Variants in FILIP1 observed in about 807,000 individuals in gnomAD.
FILIP1 encodes the protein filamin-A-interacting protein 1.
A neutral mutation model predicts 102.1 loss-of-function variants in FILIP1; 61 were observed. That is an observed-to-expected ratio of 0.60 (90% CI 0.49 to 0.74). FILIP1 has a LOEUF of 0.74. FILIP1 is among the 30% of genes least tolerant of loss of function. The pLI is 0.00. For missense variants in FILIP1, 1,314 were observed against 1,441.2 expected (o/e 0.91, Z 1.43); for synonymous variants, 491 against 526.9 (o/e 0.93, Z 0.93).
At chr6:75,302,823 C>CATTATGATATGATATGAT (rs141657918) in intron 6 of FILIP1, among the ~76,000 whole-genome samples, 1 of 149,100 alleles carries the variant, frequency 6.7e-6, no homozygotes. Flanking sequence ...TATGATATGA[C>CATTATGATATGATATGAT]ATGATATGAT....
chr6:75,427,356 G>A (rs985930454), intron 1 of FILIP1, among the ~76,000 whole-genome samples: 2 of 152,030 alleles, frequency 1.3e-5, no homozygotes, highest in Non-Finnish European at 2.9e-5. Context: ...TATAATACTG[G>A]TTACAGTTTT....
At chr6:75,429,545 C>T (rs752788066) in intron 1 of FILIP1, among the ~76,000 whole-genome samples, 1 of 152,146 alleles carries the variant, frequency 6.6e-6, no homozygotes, top group Non-Finnish European at 1.5e-5. Context: ...CCAGGAAAGG[C>T]TCTGTAAGAA....
rs7774284 is a variant in FILIP1, at chr6:75,376,698, T to G, written c.277-13781A>C. The stretch of plus-strand genomic sequence containing the variant: ...TAAACTGAACCAATAAGTTAAAGAC[T>G]AAGACATTTTTTTCTCATCCCTGTT... On this transcript the variant is annotated intron_variant, in intron 2 of 5. Coordinates refer to ENST00000237172, the MANE Select transcript of FILIP1 (RefSeq NM_015687.5). Among the ~76,000 whole-genome samples the G allele has an allele frequency of 7.2e-3, 1,095 of 152,278 alleles. 11 individuals carry two copies. The highest frequency in any genetic ancestry group is 0.025 in the African/African-American group (1,055 of 41,550).
At chr6:75,319,698 C>T (rs1348448910) in intron 4 of FILIP1, 6 of 333,466 alleles carry the variant, frequency 1.8e-5, no homozygotes, top group Non-Finnish European at 1.1e-5. Context: ...GGCGTAGCGG[C>T]GGGCGCCTGT....
chr6:75,327,500 G>A (rs1773905138), intron 4 of FILIP1, among the ~76,000 whole-genome samples: 1 of 150,808 alleles, frequency 6.6e-6, no homozygotes, highest in African/African-American at 2.4e-5. Flanking sequence ...AAACAGGTAG[G>A]GCAGGATCAG....
intron 4 of FILIP1, among the ~76,000 whole-genome samples, chr6:75,349,332 A>G (rs1045563990): frequency 6.6e-6 from 1 of 152,046 alleles, no homozygotes; most frequent in Non-Finnish European, 1.5e-5. Flanking sequence ...GTGCCCGGAG[A>G]GTCCCTGCTC....
chr6:75,415,906 G>A (rs1777251019), intron 1 of FILIP1, among the ~76,000 whole-genome samples: 1 of 152,158 alleles, frequency 6.6e-6, no homozygotes, highest in Non-Finnish European at 1.5e-5. Context: ...CAACAGGTAT[G>A]TTACAAACAA....
At chr6:75,485,509 C>T (rs1779757389) in intron 1 of FILIP1, among the ~76,000 whole-genome samples, 1 of 152,094 alleles carries the variant, frequency 6.6e-6, no homozygotes, top group African/African-American at 2.4e-5. Flanking sequence ...ATATTCAATC[C>T]CACTACCTGG....
intron 1 of FILIP1, among the ~76,000 whole-genome samples, chr6:75,445,993 C>T (rs555783581): frequency 1.2e-4 from 18 of 152,034 alleles, no homozygotes; most frequent in Non-Finnish European, 2.5e-4. Flanking sequence ...AAATTTAAAG[C>T]ATCACCATGG....
chr6:75,326,952 A>G, intron 4 of FILIP1, among the ~76,000 whole-genome samples: 1 of 152,206 alleles, frequency 6.6e-6, no homozygotes, highest in East Asian at 1.9e-4. Flanking sequence ...GACCCCAATT[A>G]TTAATTAAAT....
At chr6:75,391,773 T>G (rs1260238927) in intron 2 of FILIP1, among the ~76,000 whole-genome samples, 1 of 152,180 alleles carries the variant, frequency 6.6e-6, no homozygotes, top group African/African-American at 2.4e-5. Flanking sequence ...CTCCCTTGAC[T>G]CTACTTCCCC....
chr6:75,488,609 C>A (rs996094282), intron 1 of FILIP1, among the ~76,000 whole-genome samples: 2 of 151,986 alleles, frequency 1.3e-5, no homozygotes, highest in African/African-American at 4.8e-5. Flanking sequence ...TCTTTCCACA[C>A]AAAGTTTTCA....
At chr6:75,381,147 A>G (rs530544527) in intron 2 of FILIP1, among the ~76,000 whole-genome samples, 153 of 152,140 alleles carry the variant, frequency 1.0e-3, no homozygotes, top group African/African-American at 3.5e-3. Context: ...ACCAAATTTC[A>G]CTCTCTTGAG....
intron 4 of FILIP1, among the ~76,000 whole-genome samples, chr6:75,327,878 C>T (rs749612138): frequency 2.6e-5 from 4 of 151,974 alleles, no homozygotes; most frequent in Non-Finnish European, 5.9e-5. Context: ...TATATACAAA[C>T]CTCCACCCAC....
chr6:75,315,236 G>A, intron 4 of FILIP1, 34 bp from the exon 5 acceptor site: 1 of 1,363,258 alleles, frequency 7.3e-7, no homozygotes, highest in Non-Finnish European at 9.8e-7. Flanking sequence ...TGTTAAAAGA[G>A]TAATCAGCAA....
intron 1 of FILIP1, among the ~76,000 whole-genome samples, chr6:75,485,514 A>T (rs1779757589): frequency 1.3e-5 from 2 of 152,140 alleles, no homozygotes; most frequent in South Asian, 4.1e-4. Context: ...CAATCCCACT[A>T]CCTGGGATAT....
chr6:75,419,041 T>C (rs1777364273), intron 1 of FILIP1, among the ~76,000 whole-genome samples: 2 of 151,914 alleles, frequency 1.3e-5, no homozygotes, highest in African/African-American at 4.8e-5. Context: ...GAGCATACTG[T>C]CAGATGAAAA....
At position 75,313,325 on chromosome 6, in the gene FILIP1, C is replaced by A; in HGVS notation, c.2507G>T (p.Ser836Ile). Residue 836 changes from serine (S) to isoleucine (I), a missense_variant, in exon 5 of 6, where the codon AGT becomes ATT. Physicochemically the swap from Ser to Ile is moderately radical, Grantham distance 142. This residue lies in a region of FILIP1 where 816 missense variants were observed against 913.1 expected (regional missense o/e 0.89). Transcript: ENST00000237172. The surrounding 1 kb of genome is among the most constrained non-coding windows in gnomAD (Gnocchi z 4.2). ...CTTCAATCCCACCTGCCGAAGATTA[C>A]TCATAATATGATTTTCTTCCTGGAA... Reference protein sequence around the residue: ...KSFQEENHIMSNLRQVGLKKP... With the variant: ...KSFQEENHIMINLRQVGLKKP... The A allele has an allele frequency of 6.2e-7, 1 of 1,614,210 alleles. No individual in the cohort carries two copies. Among genetic ancestry groups the A allele is most frequent in the Non-Finnish European group, 8.5e-7 (1 of 1,180,036 alleles).
chr6:75,372,661 GAAAGAAAGAAAGAA>G lies in FILIP1; in HGVS notation c.277-9758_277-9745del, dbSNP rs1204755905. On this transcript the variant is annotated intron_variant, in intron 2 of 5. Coordinates refer to ENST00000237172, the MANE Select transcript of FILIP1 (RefSeq NM_015687.5). ...AGAAAGAAAGAAAGAAAGAAAGAAA[GAAAGAAAGAAAGAA>G]AGAAAGAAAGAGAAAGAAAGAGAAA... is the stretch of plus-strand genomic sequence containing the variant. Among the ~76,000 whole-genome samples the G allele has an allele frequency of 1.9e-3, 112 of 59,716 alleles. 1 individual carries two copies. The highest frequency in any genetic ancestry group is 2.8e-3 in the Non-Finnish European group (88 of 31,766). 39.2% of individuals were successfully genotyped at this position (59,716 alleles called of 152,430 possible).
Sources: allele counts gnomAD v4.1 joint callset (sites outside exome capture counted in the v4.1 genomes callset), GRCh38; gene constraint gnomAD v4.1.1; regional missense constraint gnomAD v4.1.1; non-coding constraint Gnocchi (gnomAD v3.1); transcripts MANE v1.5; gene names NCBI Gene and HGNC (gene_info 2026-07-23, HGNC 2026-07-21).